ITPR2: variants seen among roughly 807,000 people sequenced by gnomAD.
ITPR2 encodes inositol 1,4,5-trisphosphate-gated calcium channel ITPR2.
In ITPR2, 207 loss-of-function variants were observed where a neutral mutation model predicts 317.1. That is an observed-to-expected ratio of 0.65 (90% confidence interval 0.58 to 0.73). The LOEUF is 0.73. ITPR2 is among the 30% of genes least tolerant of loss of function. The pLI is 0.00. For missense variants in ITPR2, 2,613 were observed against 3,284.0 expected, an observed-to-expected ratio of 0.80 and a Z score of 4.99; for synonymous variants, 1,156 against 1,149.1, an observed-to-expected ratio of 1.01 and a Z score of -0.12.
Position 26,811,853 on chromosome 12 carries a change from G to GAAA in ITPR2, c.92+20834_92+20836dup, listed in dbSNP as rs35083731. 5.6e-5 allele frequency among the ~76,000 whole-genome samples: 4 copies of GAAA among 71,908 alleles called. 1 individual carries two copies. Among genetic ancestry groups the GAAA allele is most frequent in the South Asian group, 1.1e-3 (2 of 1,830 alleles). The allele number at this position is 71,908 out of a possible 152,430, so 47.2% of individuals were successfully genotyped here. On this transcript the variant is annotated intron_variant, in intron 1 of 56. Transcript: ENST00000381340. ...TGGGCGACACAGCAAGACTCCGTCT[G>GAAA]AAAAAAAAAAAAAAAAAAAGAAATC...
chr12:26,581,714 A>T (rs533803036), intron 32 of ITPR2, among the ~76,000 whole-genome samples: 2 of 152,306 alleles, frequency 1.3e-5, no homozygotes, highest in African/African-American at 2.4e-5. Context: ...ATCTAATATA[A>T]AATTGATCTT....
Position 26,599,293 on chromosome 12 carries a change from C to T in ITPR2, c.3854G>A (p.Cys1285Tyr). 1 of 1,614,090 alleles carries T rather than the reference C, an allele frequency of 6.2e-7. No homozygotes were observed. Among genetic ancestry groups the T allele is most frequent in the Non-Finnish European group, 8.5e-7 (1 of 1,179,936 alleles). The change falls in exon 30 of 57, where the codon TGC becomes TAC. Residue 1285 changes from cysteine (C) to tyrosine (Y), a missense_variant. By Grantham distance (194) the Cys-to-Tyr change is radical. Around this residue, in one of 9 missense-constraint regions of ITPR2, gnomAD observed 817 missense variants for 897.6 expected, o/e 0.91. Transcript: ENST00000381340. ...TACAACTCTCTCGCTAATTTCGTTG[C>T]ACAGATGGTAATTGTTCATGAAGAT... ...RHIFMNNYHLCNEISERVVQH... is the reference protein window; with the variant it reads ...RHIFMNNYHLYNEISERVVQH...
At chr12:26,816,223 A>C (rs1319223021) in intron 1 of ITPR2, among the ~76,000 whole-genome samples, 1 of 152,100 alleles carries the variant, frequency 6.6e-6, no homozygotes, top group Admixed American at 6.6e-5. Context: ...TTTTTCAGAT[A>C]TACTACTAAT....
At chr12:26,532,600 G>A (rs150172480) in intron 37 of ITPR2, among the ~76,000 whole-genome samples, 59 of 152,312 alleles carry the variant, frequency 3.9e-4, no homozygotes, top group Middle Eastern at 3.4e-3. Flanking sequence ...ATGAGCCACT[G>A]TGCCCAGCCC....
At chr12:26,608,447 C>T (rs1332067398) in intron 26 of ITPR2, among the ~76,000 whole-genome samples, 1 of 152,160 alleles carries the variant, frequency 6.6e-6, no homozygotes, top group Non-Finnish European at 1.5e-5. Flanking sequence ...TGCCCGGCAG[C>T]CCCACTGTCT....
At chr12:26,448,644 AG>A (rs1332087140) in intron 45 of ITPR2, among the ~76,000 whole-genome samples, 7 of 152,176 alleles carry the variant, frequency 4.6e-5, no homozygotes, top group Middle Eastern at 3.2e-3. Flanking sequence ...ATTAGTGAGG[AG>A]GGGATCCAAA....
chr12:26,348,236 T>C (rs1306815456), intron 55 of ITPR2, among the ~76,000 whole-genome samples: 2 of 152,232 alleles, frequency 1.3e-5, no homozygotes, highest in Non-Finnish European at 2.9e-5. Flanking sequence ...ACTGCCTACT[T>C]ACTGGAAGAT....
intron 2 of ITPR2, among the ~76,000 whole-genome samples, chr12:26,782,850 A>G (rs539057396): frequency 3.3e-5 from 5 of 152,350 alleles, no homozygotes; most frequent in Admixed American, 3.3e-4. Flanking sequence ...GTATTCTAAC[A>G]CCAAACCTGA....
Position 26,400,245 on chromosome 12 carries a change from A to G in ITPR2, c.7413T>C (p.Tyr2471=). Residue 2471 remains tyrosine (Y), a synonymous_variant, in exon 53 of 57, where the codon TAT becomes TAC. Coordinates refer to ENST00000381340, the MANE Select transcript of ITPR2 (RefSeq NM_002223.4). ...IPASNTADEE[Y]EDGIERTCDT... ...CACACGTCCTTTCAATTCCATCTTC[A>G]TACTCTTCATCAGCTATAAAAACAC... 2 of 1,570,208 alleles carry G rather than the reference A, an allele frequency of 1.3e-6. No homozygotes were observed. Among genetic ancestry groups the G allele is most frequent in the Non-Finnish European group, 1.7e-6 (2 of 1,153,548 alleles).
intron 1 of ITPR2, among the ~76,000 whole-genome samples, chr12:26,803,827 A>G (rs1051619037): frequency 2.6e-5 from 4 of 152,162 alleles, no homozygotes; most frequent in Non-Finnish European, 1.5e-5. Flanking sequence ...AGGAGGAAAT[A>G]GTTGGCAAGA....
intron 55 of ITPR2, among the ~76,000 whole-genome samples, chr12:26,346,909 A>G (rs1274810220): frequency 6.6e-5 from 10 of 152,144 alleles, no homozygotes; most frequent in Admixed American, 5.9e-4. Context: ...TGATGTAAAG[A>G]CAGCTTAAAA....
rs569633940 is a variant in ITPR2 at position 26,351,370 on chromosome 12, T to C, written c.7858-11042A>G. On this transcript the variant is annotated intron_variant, in intron 55 of 56. Coordinates refer to ENST00000381340, the MANE Select transcript of ITPR2 (RefSeq NM_002223.4). ...TTTGATGATGAAATGATGGGGAAGC[T>C]GGTCTGAGCAAGGGGCCTGCCCAGC... is the stretch of plus-strand genomic sequence containing the variant. 7.9e-5 allele frequency among the ~76,000 whole-genome samples: 12 copies of C among 152,350 alleles called. No individual in the cohort carries two copies. The South Asian group carries it at 2.3e-3, about 29-fold the overall frequency.
At chr12:26,772,841 C>A (rs1949897010) in intron 2 of ITPR2, among the ~76,000 whole-genome samples, 1 of 151,072 alleles carries the variant, frequency 6.6e-6, no homozygotes, top group Non-Finnish European at 1.5e-5. Flanking sequence ...CGCCTATTGA[C>A]CCATCATCTA....
At chr12:26,614,037 T>C (rs1464800967) in intron 26 of ITPR2, among the ~76,000 whole-genome samples, 1 of 151,836 alleles carries the variant, frequency 6.6e-6, no homozygotes, top group Non-Finnish European at 1.5e-5. Context: ...ACACCTGAAG[T>C]AAATACAACC....
chr12:26,702,018 C>A (rs1433609790), intron 9 of ITPR2, among the ~76,000 whole-genome samples: 1 of 152,150 alleles, frequency 6.6e-6, no homozygotes, highest in Non-Finnish European at 1.5e-5. Flanking sequence ...ATAATTCTTC[C>A]CACATCTGTG....
intron 32 of ITPR2, among the ~76,000 whole-genome samples, chr12:26,583,118 C>T (rs1164227982): frequency 6.6e-6 from 1 of 152,088 alleles, no homozygotes; most frequent in Non-Finnish European, 1.5e-5. Context: ...CTTAAATCTG[C>T]CCTCGTTTCT....
At chr12:26,383,617 G>A (rs1408532092) in intron 55 of ITPR2, among the ~76,000 whole-genome samples, 3 of 151,184 alleles carry the variant, frequency 2.0e-5, no homozygotes. Context: ...CCGAGTAGCT[G>A]GGACTACATG....
intron 1 of ITPR2, among the ~76,000 whole-genome samples, chr12:26,790,557 G>T (rs900738766): frequency 7.0e-6 from 1 of 142,722 alleles, no homozygotes; most frequent in African/African-American, 2.6e-5. Flanking sequence ...GAATGTAGTG[G>T]TAACCAATCA....
intron 37 of ITPR2, among the ~76,000 whole-genome samples, chr12:26,538,502 A>G (rs1338735189): frequency 2.6e-5 from 4 of 152,218 alleles, no homozygotes; most frequent in African/African-American, 9.6e-5. Flanking sequence ...GCATCAAAGA[A>G]AGCAGAATCA....
Sources: gnomAD v4.1 joint callset for allele counts (sites outside exome capture counted in the v4.1 genomes callset) on GRCh38, gnomAD v4.1.1 for gene constraint, gnomAD v4.1.1 regional missense constraint, MANE v1.5 for transcripts, NCBI Gene and HGNC (gene_info 2026-07-23, HGNC 2026-07-21) for gene names.